ANKS1B: variants seen among roughly 807,000 people sequenced by gnomAD.
ANKS1B encodes ankyrin repeat and sterile alpha motif domain-containing protein 1B.
In ANKS1B, 36 loss-of-function variants were observed where a neutral mutation model predicts 148.3. The ratio of observed to expected loss-of-function variants is 0.24; its 90% CI spans 0.19 to 0.32. ANKS1B has a LOEUF of 0.32. Among genes scored for constraint, ANKS1B ranks in the 10% least tolerant of loss-of-function variants. The pLI, the probability that ANKS1B is intolerant of heterozygous loss-of-function variation, is 1.00. For synonymous variants in ANKS1B, 542 were observed against 560.8 expected, an observed-to-expected ratio of 0.97 and a Z score of 0.47; for missense variants, 1,157 against 1,542.6, an observed-to-expected ratio of 0.75 and a Z score of 4.19.
chr12:98,939,919 A>C (rs2099833930), intron 17 of ANKS1B, among the ~76,000 whole-genome samples: 1 of 152,230 alleles, frequency 6.6e-6, no homozygotes, highest in South Asian at 2.1e-4. Context: ...TGATGCCCCT[A>C]AATACCCATT....
chr12:99,409,108 C>G (rs2094603609), intron 11 of ANKS1B, among the ~76,000 whole-genome samples: 1 of 152,076 alleles, frequency 6.6e-6, no homozygotes, highest in South Asian at 2.1e-4. Context: ...AAGTGTCTAT[C>G]AACATATGAA....
Position 98,744,447 on chromosome 12 carries a change from A to C in ANKS1B, c.*1292T>G. 1.3e-6 allele frequency: 1 copy of C among 760,594 alleles called. No homozygotes were observed. 47.1% of individuals were successfully genotyped at this position (760,594 alleles called of 1,614,324 possible). On this transcript the variant is annotated 3_prime_UTR_variant, in exon 27 of 27. Transcript: ENST00000683438. ...GAACTTCAAAATGATTCACAATATG[A>C]TTGTTAGAACAATATACATTAAAAT...
chr12:99,863,312 A>G (rs1309587470), intron 1 of ANKS1B, among the ~76,000 whole-genome samples: 1 of 152,174 alleles, frequency 6.6e-6, no homozygotes, highest in Non-Finnish European at 1.5e-5. Context: ...AAAAGAAAAA[A>G]ACTCCACCAC....
At chr12:99,880,081 C>T (rs190923191) in intron 1 of ANKS1B, among the ~76,000 whole-genome samples, 112 of 152,198 alleles carry the variant, frequency 7.4e-4, no homozygotes, top group East Asian at 1.7e-3. Context: ...TCCTCTTGAC[C>T]TGAAAAAATG....
chr12:99,172,210 G>T (rs187120088), intron 14 of ANKS1B, among the ~76,000 whole-genome samples: 26 of 152,206 alleles, frequency 1.7e-4, no homozygotes, highest in Non-Finnish European at 3.4e-4. Flanking sequence ...TGTATGAGGA[G>T]GGAAATCTGC....
At chr12:99,844,454 A>G (rs944053314) in intron 1 of ANKS1B, among the ~76,000 whole-genome samples, 1 of 152,180 alleles carries the variant, frequency 6.6e-6, no homozygotes, top group Non-Finnish European at 1.5e-5. Flanking sequence ...AATTTTCTGC[A>G]TATAGCTAGC....
At chr12:99,298,226 T>A (rs1372387620) in intron 12 of ANKS1B, among the ~76,000 whole-genome samples, 1 of 152,188 alleles carries the variant, frequency 6.6e-6, no homozygotes, top group Non-Finnish European at 1.5e-5. Flanking sequence ...ACCAATGATA[T>A]GGGCTGGCTG....
At chr12:99,181,093 T>G (rs775211956) in intron 14 of ANKS1B, among the ~76,000 whole-genome samples, 5 of 152,230 alleles carry the variant, frequency 3.3e-5, no homozygotes, top group Admixed American at 1.3e-4. Flanking sequence ...AAATATAGCT[T>G]TCCTTGGGTT....
Position 98,895,315 on chromosome 12 carries a change from C to T in ANKS1B, c.2779-63179G>A, listed in dbSNP as rs535830350. ...ATGGATATCTCGCTCCTCCGCCGCC[C>T]CCTCCGCGCACTCCGGGAGGCCGCC... is the stretch of plus-strand genomic sequence containing the variant. On this transcript the variant is annotated intron_variant, in intron 17 of 26. Coordinates refer to ENST00000683438, the MANE Select transcript of ANKS1B (RefSeq NM_001352186.2). The T allele has an allele frequency of 2.8e-5, 28 of 985,334 alleles. No individual in the cohort carries two copies. The South Asian group carries it at 1.2e-3, about 41-fold the overall frequency. The allele number at this position is 985,334 out of a possible 1,614,324, so 61.0% of individuals were successfully genotyped here.
chr12:99,530,974 C>CT (rs1279281593), intron 9 of ANKS1B, among the ~76,000 whole-genome samples: 24 of 152,282 alleles, frequency 1.6e-4, no homozygotes, highest in Admixed American at 1.4e-3. Context: ...AGCCTCCATC[C>CT]TGAATGACAT....
At chr12:99,615,726 C>CTG (rs1407268861) in intron 9 of ANKS1B, among the ~76,000 whole-genome samples, 3 of 152,080 alleles carry the variant, frequency 2.0e-5, no homozygotes, top group Non-Finnish European at 4.4e-5. Context: ...CCTTTGAAAA[C>CTG]CAGCATAAGA....
At chr12:98,882,923 T>C (rs1258566587) in intron 17 of ANKS1B, among the ~76,000 whole-genome samples, 1 of 152,212 alleles carries the variant, frequency 6.6e-6, no homozygotes, top group Non-Finnish European at 1.5e-5. Flanking sequence ...ACTGTAAAGA[T>C]TTAAATCTAT....
intron 14 of ANKS1B, among the ~76,000 whole-genome samples, chr12:99,179,398 C>G (rs1020161797): frequency 1.4e-5 from 2 of 142,870 alleles, no homozygotes; most frequent in Non-Finnish European, 3.0e-5. Flanking sequence ...CACTGCACTC[C>G]GGCCTGGGTG....
At chr12:99,526,399 G>T (rs1375358968) in intron 9 of ANKS1B, among the ~76,000 whole-genome samples, 1 of 152,128 alleles carries the variant, frequency 6.6e-6, no homozygotes, top group African/African-American at 2.4e-5. Flanking sequence ...GTACTGTAAA[G>T]CACCATTTAC....
chr12:99,817,633 T>C (rs1057131776), intron 2 of ANKS1B, among the ~76,000 whole-genome samples: 5 of 151,722 alleles, frequency 3.3e-5, no homozygotes, highest in African/African-American at 9.7e-5. Context: ...TTCCCATCAA[T>C]GGTGTACCTG....
intron 5 of ANKS1B, among the ~76,000 whole-genome samples, chr12:99,780,598 T>C (rs1365625021): frequency 6.6e-6 from 1 of 152,152 alleles, no homozygotes; most frequent in Non-Finnish European, 1.5e-5. Flanking sequence ...ATGGTATCTT[T>C]GGGTTATAAC....
chr12:98,970,750 G>A (rs1166877830), intron 17 of ANKS1B, among the ~76,000 whole-genome samples: 2 of 152,090 alleles, frequency 1.3e-5, no homozygotes, highest in East Asian at 3.9e-4. Context: ...CCTTCTCCAT[G>A]CGACTAATGA....
chr12:99,205,116 C>A (rs1299408206), intron 14 of ANKS1B, among the ~76,000 whole-genome samples: 2 of 152,180 alleles, frequency 1.3e-5, no homozygotes, highest in African/African-American at 4.8e-5. Context: ...AGTTCCACAT[C>A]ACCAAGCAAA....
intron 9 of ANKS1B, among the ~76,000 whole-genome samples, chr12:99,636,958 G>A (rs2098243367): frequency 6.6e-6 from 1 of 152,098 alleles, no homozygotes; most frequent in South Asian, 2.1e-4. Flanking sequence ...AAAATCTAAA[G>A]GGAAACAAAA....
Sources: gnomAD v4.1 joint callset for allele counts (sites outside exome capture counted in the v4.1 genomes callset) on GRCh38, gnomAD v4.1.1 for gene constraint, MANE v1.5 for transcripts, NCBI Gene and HGNC (gene_info 2026-07-23, HGNC 2026-07-21) for gene names.